Variants in KCTD16 observed in about 807,000 individuals in gnomAD.
KCTD16 encodes potassium channel tetramerization domain containing 16.
Under a neutral mutation model 33.2 loss-of-function variants are expected in KCTD16, and 13 were observed. That is an observed-to-expected ratio of 0.39 (90% CI 0.25 to 0.62). The LOEUF is 0.62. KCTD16 is among the 20% of genes least tolerant of loss of function. The probability of loss-of-function intolerance (pLI) is 0.50; values close to 1 mark genes in which losing one functional copy is unlikely to be tolerated. For missense variants in KCTD16, 441 were observed against 525.1 expected (o/e 0.84, Z 1.57); for synonymous variants, 197 against 195.3 (o/e 1.01, Z -0.07).
chr5:144,180,924 CTTTTTCT>C (rs1227051162), intron 2 of KCTD16, among the ~76,000 whole-genome samples: 5 of 151,868 alleles, frequency 3.3e-5, no homozygotes, highest in African/African-American at 4.8e-5. Flanking sequence ...TATACTGCAA[CTTTTTCT>C]TTTTTCTTTT....
chr5:144,277,817 A>G lies in KCTD16; in HGVS notation c.832+70271A>G, dbSNP rs145037007. 2.3e-3 allele frequency among the ~76,000 whole-genome samples: 352 copies of G among 152,280 alleles called. 4 individuals carry two copies. Among genetic ancestry groups the G allele is most frequent in the African/African-American group, 8.1e-3 (335 of 41,560 alleles). On this transcript the variant is annotated intron_variant, in intron 3 of 3. Coordinates refer to ENST00000512467, the MANE Select transcript of KCTD16 (RefSeq NM_020768.4). ...TTTCATGTACTTCTTTGCCATATGTATATCCTCTTTGGGGAAATATCTGTT... is the reference window on the plus strand; with the variant it reads ...TTTCATGTACTTCTTTGCCATATGTGTATCCTCTTTGGGGAAATATCTGTT...
intron 3 of KCTD16, among the ~76,000 whole-genome samples, chr5:144,359,781 A>G (rs1277075874): frequency 6.6e-6 from 1 of 151,932 alleles, no homozygotes; most frequent in Non-Finnish European, 1.5e-5. Flanking sequence ...CAAAGCTAAA[A>G]AAACCCTGAT....
At chr5:144,440,265 A>T (rs1468484128) in intron 3 of KCTD16, among the ~76,000 whole-genome samples, 1 of 152,194 alleles carries the variant, frequency 6.6e-6, no homozygotes, top group East Asian at 1.9e-4. Flanking sequence ...AGTTTCTCAC[A>T]GTTTGGATGT....
intron 3 of KCTD16, among the ~76,000 whole-genome samples, chr5:144,337,822 G>A (rs568854117): frequency 4.6e-5 from 7 of 152,234 alleles, no homozygotes; most frequent in South Asian, 2.1e-4. Context: ...GAGTGGGTGA[G>A]AACAAGACCT....
At chr5:144,396,289 A>G (rs1477663520) in intron 3 of KCTD16, among the ~76,000 whole-genome samples, 1 of 152,138 alleles carries the variant, frequency 6.6e-6, no homozygotes, top group Non-Finnish European at 1.5e-5. Context: ...TTCTCTCATT[A>G]CTTTCCAGCC....
chr5:144,418,222 C>T (rs1353332862), intron 3 of KCTD16, among the ~76,000 whole-genome samples: 3 of 152,152 alleles, frequency 2.0e-5, no homozygotes, highest in Admixed American at 6.5e-5. Context: ...CAGCAGCAAG[C>T]TTTATTACAA....
chr5:144,414,076 A>T (rs775685265), intron 3 of KCTD16, among the ~76,000 whole-genome samples: 1 of 152,090 alleles, frequency 6.6e-6, no homozygotes, highest in Non-Finnish European at 1.5e-5. Flanking sequence ...CACCTGTAAG[A>T]CTTCTGGGTG....
Position 144,477,364 on chromosome 5 carries a change from G to C in KCTD16, c.*3250G>C, listed in dbSNP as rs1359983295. 6.6e-6 allele frequency: 1 copy of C among 152,090 alleles called. No individual in the cohort carries two copies. Among genetic ancestry groups the C allele is most frequent in the East Asian group, 1.9e-4 (1 of 5,194 alleles). 9.4% of individuals were successfully genotyped at this position (152,090 alleles called of 1,614,324 possible). A position where few individuals can be genotyped will look rare whatever the true frequency, so the allele number is the denominator to read the frequency against. On this transcript the variant is annotated 3_prime_UTR_variant, in exon 4 of 4. Transcript: ENST00000512467. The stretch of plus-strand genomic sequence containing the variant: ...CATGCATGGTGAATTAAAATAAAAG[G>C]GGGAACAATGCACAAATAATAAGCG...
intron 3 of KCTD16, among the ~76,000 whole-genome samples, chr5:144,397,666 C>G (rs544340684): frequency 6.6e-6 from 1 of 152,148 alleles, no homozygotes; most frequent in Non-Finnish European, 1.5e-5. Flanking sequence ...ATTTGCATTT[C>G]TCTGATGGCC....
At chr5:144,386,368 T>C (rs1205675434) in intron 3 of KCTD16, among the ~76,000 whole-genome samples, 1 of 152,182 alleles carries the variant, frequency 6.6e-6, no homozygotes, top group Non-Finnish European at 1.5e-5. Flanking sequence ...TCTTGAGATT[T>C]CTAGGCATTG....
chr5:144,382,509 G>T (rs940069218), intron 3 of KCTD16, among the ~76,000 whole-genome samples: 4 of 152,072 alleles, frequency 2.6e-5, no homozygotes, highest in Admixed American at 2.6e-4. Context: ...TCCTCTTATT[G>T]AGCTCACTAT....
In KCTD16 at chr5:144,375,855, G is replaced by A. The variant is rs1580913497; in HGVS notation, c.833-97805G>A. ...CTTTTTTGTCTCGCTCTGTTGCCCA[G>A]GCTGGAGTGCAGTGGTGTGATCTCA... On this transcript the variant is annotated intron_variant, in intron 3 of 3. Coordinates refer to ENST00000512467, the MANE Select transcript of KCTD16 (RefSeq NM_020768.4). Among the ~76,000 whole-genome samples, 2 of 151,856 alleles carry A rather than the reference G, an allele frequency of 1.3e-5. 1 individual carries two copies. The highest frequency in any genetic ancestry group is 3.9e-4 in the East Asian group (2 of 5,154).
chr5:144,247,284 C>T (rs1754576522), intron 3 of KCTD16, among the ~76,000 whole-genome samples: 1 of 152,188 alleles, frequency 6.6e-6, no homozygotes, highest in Non-Finnish European at 1.5e-5. Context: ...GCTTTGTTTA[C>T]TGAAACACTT....
At chr5:144,374,702 G>T (rs1047726119) in intron 3 of KCTD16, among the ~76,000 whole-genome samples, 1 of 152,078 alleles carries the variant, frequency 6.6e-6, no homozygotes, top group Non-Finnish European at 1.5e-5. Flanking sequence ...ATACTCTGTG[G>T]CCAATCTTGT....
intron 3 of KCTD16, among the ~76,000 whole-genome samples, chr5:144,312,860 A>G (rs1054940642): frequency 2.6e-5 from 4 of 152,208 alleles, no homozygotes; most frequent in African/African-American, 9.6e-5. Context: ...TGTAAGGGGA[A>G]GTGACAAGGT....
At chr5:144,472,674 C>T (rs1754504854) in intron 3 of KCTD16, among the ~76,000 whole-genome samples, 1 of 152,164 alleles carries the variant, frequency 6.6e-6, no homozygotes, top group African/African-American at 2.4e-5. Context: ...ACAACGGATA[C>T]TTCACTATGC....
chr5:144,384,289 T>C (rs896984390), intron 3 of KCTD16: 2 of 152,170 alleles, frequency 1.3e-5, no homozygotes, highest in African/African-American at 4.8e-5. Flanking sequence ...GGCACCCTTA[T>C]AGCTTTGAAA....
intron 3 of KCTD16, among the ~76,000 whole-genome samples, chr5:144,312,795 T>C (rs1049565770): frequency 1.3e-5 from 2 of 152,236 alleles, no homozygotes; most frequent in African/African-American, 4.8e-5. Context: ...CTCGCACTTC[T>C]CATGGTATTT....
intron 3 of KCTD16, among the ~76,000 whole-genome samples, chr5:144,395,114 A>G (rs548056079): frequency 9.2e-5 from 14 of 152,240 alleles, no homozygotes; most frequent in African/African-American, 3.4e-4. Flanking sequence ...CCAGCAATTT[A>G]TATTATTTTA....
Sources: allele counts gnomAD v4.1 joint callset (sites outside exome capture counted in the v4.1 genomes callset), GRCh38; gene constraint gnomAD v4.1.1; transcripts MANE v1.5; gene names NCBI Gene and HGNC (gene_info 2026-07-23, HGNC 2026-07-21).